Variants in CADM2 observed in about 807,000 individuals in gnomAD.
CADM2 encodes cell adhesion molecule 2, also known as immunoglobulin superfamily member 4D.
CADM2 carries 12 observed loss-of-function variants against 49.8 expected under a neutral mutation model. The observed-to-expected ratio is 0.24, with a 90% confidence interval of 0.15 to 0.39. The LOEUF (loss-of-function observed/expected upper bound fraction) is 0.39. Among genes scored for constraint, CADM2 ranks in the 10% least tolerant of loss-of-function variants. The pLI is 1.00. For missense variants in CADM2, 378 were observed against 492.3 expected (o/e 0.77, Z 2.20); for synonymous variants, 214 against 175.4 (o/e 1.22, Z -1.74).
At position 85,961,567 on chromosome 3, in the gene CADM2, A is replaced by G; in HGVS notation, c.890A>G (p.Lys297Arg). 6.2e-7 allele frequency: 1 copy of G among 1,610,994 alleles called. No homozygotes were observed. Among genetic ancestry groups the G allele is most frequent in the Non-Finnish European group, 8.5e-7 (1 of 1,177,832 alleles). Residue 297 changes from lysine to arginine, a missense_variant, in exon 8 of 10, where the codon AAA (lysine) becomes AGA (arginine). Coordinates refer to ENST00000383699, the MANE Select transcript of CADM2 (RefSeq NM_001167675.2). ...GRELNILFLN[K>R]TDNGTYRCEA... ...GAGCTAAACATTCTTTTCCTGAACA[A>G]AACGGATAATGGTACATATCGATGT...
intron 1 of CADM2, among the ~76,000 whole-genome samples, chr3:85,059,912 A>G (rs2036240122): frequency 6.6e-6 from 1 of 152,188 alleles, no homozygotes; most frequent in African/African-American, 2.4e-5. Flanking sequence ...TAAACAGGGT[A>G]AATCTAGTCC....
At chr3:85,032,773 C>A (rs761937172) in intron 1 of CADM2, among the ~76,000 whole-genome samples, 1 of 152,010 alleles carries the variant, frequency 6.6e-6, no homozygotes, top group South Asian at 2.1e-4. Context: ...ACTATACGAG[C>A]ATTCCTGCAT....
At chr3:85,336,915 ATAGT>A (rs1292947024) in intron 1 of CADM2, among the ~76,000 whole-genome samples, 1 of 141,832 alleles carries the variant, frequency 7.1e-6, no homozygotes, top group Non-Finnish European at 1.5e-5. Context: ...AACAAAGTTA[ATAGT>A]TAAATAGTTA....
chr3:85,422,891 C>T (rs549380244), intron 1 of CADM2, among the ~76,000 whole-genome samples: 12 of 152,114 alleles, frequency 7.9e-5, no homozygotes, highest in East Asian at 7.8e-4. Context: ...CCCTGTCATC[C>T]GGTAACAGCT....
chr3:85,086,238 C>A (rs996573148), intron 1 of CADM2, among the ~76,000 whole-genome samples: 10 of 151,854 alleles, frequency 6.6e-5, no homozygotes, highest in Non-Finnish European at 1.0e-4. Context: ...AATAAGAGTA[C>A]GTTAAATTTT....
chr3:85,078,306 A>G (rs890603363), intron 1 of CADM2, among the ~76,000 whole-genome samples: 1 of 151,998 alleles, frequency 6.6e-6, no homozygotes, highest in Non-Finnish European at 1.5e-5. Flanking sequence ...CATCTCAGAA[A>G]ACAAATCATA....
intron 1 of CADM2, among the ~76,000 whole-genome samples, chr3:85,038,023 CA>C (rs2035292744): frequency 6.6e-6 from 1 of 151,462 alleles, no homozygotes; most frequent in Non-Finnish European, 1.5e-5. Flanking sequence ...CAGTGAGGAA[CA>C]GAAAAAGTTT....
chr3:85,811,117 T>G (rs1181075003), intron 3 of CADM2, among the ~76,000 whole-genome samples: 1 of 152,202 alleles, frequency 6.6e-6, no homozygotes, highest in African/African-American at 2.4e-5. Flanking sequence ...TTTCCACAAA[T>G]TTTAATTTTT....
At chr3:85,446,221 GA>G (rs2037443936) in intron 1 of CADM2, among the ~76,000 whole-genome samples, 1 of 152,104 alleles carries the variant, frequency 6.6e-6, no homozygotes, top group Non-Finnish European at 1.5e-5. Context: ...GTGAATGAAT[GA>G]AAAATGAACT....
At chr3:85,704,853 T>A (rs2066889430) in intron 1 of CADM2, among the ~76,000 whole-genome samples, 1 of 149,612 alleles carries the variant, frequency 6.7e-6, no homozygotes, top group Non-Finnish European at 1.5e-5. Context: ...TTTATTTATT[T>A]ATTATTATTA....
At chr3:84,996,596 CTTA>C (rs2033191698) in intron 1 of CADM2, among the ~76,000 whole-genome samples, 1 of 152,044 alleles carries the variant, frequency 6.6e-6, no homozygotes, top group Admixed American at 6.5e-5. Flanking sequence ...TGAAATTACC[CTTA>C]TTAATTAAAA....
chr3:86,018,659 G>A (rs1464715399), intron 8 of CADM2, among the ~76,000 whole-genome samples: 2 of 152,122 alleles, frequency 1.3e-5, no homozygotes, highest in African/African-American at 2.4e-5. Flanking sequence ...GTGTTTTTTG[G>A]CTGCATAAAT....
chr3:85,266,277 T>G (rs1255387747), intron 1 of CADM2, among the ~76,000 whole-genome samples: 4 of 151,996 alleles, frequency 2.6e-5, no homozygotes, highest in Admixed American at 1.3e-4. Flanking sequence ...TCACCTGAAA[T>G]TGTTTTAAAT....
chr3:85,449,559 G>GT (rs33948520), intron 1 of CADM2, among the ~76,000 whole-genome samples: 32,907 of 148,434 alleles, frequency 0.22, 4,131 homozygotes, highest in African/African-American at 0.34. Context: ...GAAATATAAG[G>GT]TTTTTTTTTT....
At chr3:85,589,205 C>G (rs1196200261) in intron 1 of CADM2, among the ~76,000 whole-genome samples, 1 of 151,958 alleles carries the variant, frequency 6.6e-6, no homozygotes, top group East Asian at 1.9e-4. Context: ...TACCACTTCA[C>G]TGTTTTGCTT....
chr3:85,410,104 A>C (rs1317218014), intron 1 of CADM2, among the ~76,000 whole-genome samples: 1 of 152,168 alleles, frequency 6.6e-6, no homozygotes, highest in Non-Finnish European at 1.5e-5. Context: ...CAGGCTGCCA[A>C]GTTTGGTCCA....
Position 85,568,396 on chromosome 3 carries a change from C to CCTCTTTCTTTCTTTTTCTTTCTTTCTCT in CADM2, c.62-158112_62-158111insTTCTTTCTTTCTCTCTCTTTCTTTCTTT, listed in dbSNP as rs1396603775. On this transcript the variant is annotated intron_variant, in intron 1 of 9. Coordinates refer to ENST00000383699, the MANE Select transcript of CADM2 (RefSeq NM_001167675.2). ...TGTTACCTACAATCTTTCCTTCCTC[C>CCTCTTTCTTTCTTTTTCTTTCTTTCTCT]CTCTTTCTTTCTTTCTTTCTTTCTT... Among the ~76,000 whole-genome samples the CCTCTTTCTTTCTTTTTCTTTCTTTCTCT allele has an allele frequency of 1.9e-5, 2 of 102,662 alleles. 1 individual carries two copies. The highest frequency in any genetic ancestry group is 9.1e-4 in the East Asian group (2 of 2,190). The allele number at this position is 102,662 out of a possible 152,430, so 67.4% of individuals were successfully genotyped here.
chr3:85,543,946 G>A (rs1428886970), intron 1 of CADM2, among the ~76,000 whole-genome samples: 3 of 152,128 alleles, frequency 2.0e-5, no homozygotes, highest in African/African-American at 2.4e-5. Flanking sequence ...TTGGCCCAAA[G>A]CATAAATATC....
intron 1 of CADM2, among the ~76,000 whole-genome samples, chr3:85,507,850 G>A (rs2040427218): frequency 6.6e-6 from 1 of 152,158 alleles, no homozygotes; most frequent in South Asian, 2.1e-4. Context: ...ACTTGTGGCA[G>A]CATCTAGGTA....
Sources: gnomAD v4.1 joint callset for allele counts (sites outside exome capture counted in the v4.1 genomes callset) on GRCh38, gnomAD v4.1.1 for gene constraint, MANE v1.5 for transcripts, NCBI Gene and HGNC (gene_info 2026-07-23, HGNC 2026-07-21) for gene names.